The following CCDC7 variants were observed in gnomAD, a reference collection of about 807,000 sequenced individuals.
The protein encoded by CCDC7 is coiled-coil domain-containing protein 7.
A neutral mutation model predicts 196.9 loss-of-function variants in CCDC7; 183 were observed. The ratio of observed to expected loss-of-function variants is 0.93; its 90% CI spans 0.82 to 1.05. CCDC7 has a LOEUF of 1.05. CCDC7 is among the 50% of genes least tolerant of loss of function. The pLI, the probability that CCDC7 is intolerant of heterozygous loss-of-function variation, is 0.00. For missense variants in CCDC7, 1,540 were observed against 1,482.2 expected (o/e 1.04, Z -0.64); for synonymous variants, 525 against 484.6 (o/e 1.08, Z -1.10).
intron 11 of CCDC7, among the ~76,000 whole-genome samples, chr10:32,536,898 G>A (rs1463850037): frequency 1.3e-5 from 2 of 152,068 alleles, no homozygotes; most frequent in Non-Finnish European, 2.9e-5. Context: ...CCAGCCCACC[G>A]TTGTTGGGCA....
intron 20 of CCDC7, among the ~76,000 whole-genome samples, chr10:32,659,948 A>G (rs1411530746): frequency 6.6e-6 from 1 of 152,160 alleles, no homozygotes; most frequent in African/African-American, 2.4e-5. Context: ...CAGAAATAGC[A>G]TTTAGCCCAG....
chr10:32,789,452 T>C (rs986013), intron 29 of CCDC7, among the ~76,000 whole-genome samples: 21,975 of 151,566 alleles, frequency 0.14, 1,959 homozygotes, highest in African/African-American at 0.26. Context: ...AACTGGAAAA[T>C]TCCATATTGC....
upstream of CCDC7, among the ~76,000 whole-genome samples, chr10:32,443,995 T>C (rs2030467669): frequency 6.6e-6 from 1 of 152,238 alleles, no homozygotes; most frequent in Non-Finnish European, 1.5e-5. Context: ...AGTAATGTTA[T>C]ATAGTTTTCA....
At chr10:32,567,928 T>C in intron 15 of CCDC7, 37 bp downstream of exon 16, 3 of 1,543,006 alleles carry the variant, frequency 1.9e-6, no homozygotes, top group Non-Finnish European at 2.6e-6. Context: ...GTAGTATATG[T>C]TGTGAGAAAT....
At position 32,456,231 on chromosome 10, in the gene CCDC7, TTTA is replaced by T. The variant is rs2034310982; in HGVS notation, c.373-14_373-12del. The T allele has an allele frequency of 6.6e-7, 1 of 1,505,476 alleles. No homozygotes were observed. Among genetic ancestry groups the T allele is most frequent in the Non-Finnish European group, 9.0e-7 (1 of 1,111,784 alleles). 93.3% of individuals were successfully genotyped at this position (1,505,476 alleles called of 1,614,324 possible). A position where few individuals can be genotyped will look rare whatever the true frequency, so the allele number is the denominator to read the frequency against. On this transcript the variant is annotated splice_polypyrimidine_tract_variant and intron_variant, in intron 2 of 41. Coordinates refer to ENST00000639629, the Ensembl canonical transcript of CCDC7. Reference sequence around the variant, plus strand: ...TGGATTCTTAAATGTAACTTTATGTTTTATTATTCTTTTCAAAAGGTTGGGGAT... The same window carrying T: ...TGGATTCTTAAATGTAACTTTATGTTTTATTCTTTTCAAAAGGTTGGGGAT...
chr10:32,714,577 T>C (rs955922886), intron 25 of CCDC7, among the ~76,000 whole-genome samples: 8 of 152,280 alleles, frequency 5.3e-5, no homozygotes, highest in Admixed American at 1.3e-4. Context: ...GAAAGGGGGC[T>C]GAAGCCAGGG....
chr10:32,698,242 G>A (rs540234651), intron 24 of CCDC7, among the ~76,000 whole-genome samples: 2 of 152,310 alleles, frequency 1.3e-5, no homozygotes, highest in Admixed American at 6.5e-5. Flanking sequence ...CAAAGATGGG[G>A]AGAAACCAGA....
chr10:32,677,970 C>A (rs1277543416), intron 21 of CCDC7, among the ~76,000 whole-genome samples: 1 of 151,680 alleles, frequency 6.6e-6, no homozygotes, highest in African/African-American at 2.4e-5. Context: ...TTGCTATTTT[C>A]TTCTGCTTGA....
chr10:32,560,951 T>C (rs1244376683), intron 13 of CCDC7, among the ~76,000 whole-genome samples: 2 of 150,730 alleles, frequency 1.3e-5, no homozygotes, highest in Non-Finnish European at 2.9e-5. Flanking sequence ...ACACACAGGC[T>C]CAAAATAAAA....
intron 9 of CCDC7, among the ~76,000 whole-genome samples, chr10:32,517,597 A>G (rs1262488388): frequency 8.4e-6 from 1 of 118,904 alleles, no homozygotes; most frequent in Non-Finnish European, 1.6e-5. Context: ...GAAGGGGAAC[A>G]TCACACACCG....
intron 29 of CCDC7, among the ~76,000 whole-genome samples, chr10:32,803,060 C>T (rs560636476): frequency 6.6e-6 from 1 of 152,304 alleles, no homozygotes; most frequent in East Asian, 1.9e-4. Context: ...TTTATTTCAT[C>T]ATAATTTGAG....
At chr10:32,799,080 C>T (rs754228190) in intron 29 of CCDC7, among the ~76,000 whole-genome samples, 21 of 152,136 alleles carry the variant, frequency 1.4e-4, no homozygotes, top group Admixed American at 2.0e-4. Flanking sequence ...AATGCTGCTG[C>T]GTATCACCTA....
intron 32 of CCDC7, among the ~76,000 whole-genome samples, chr10:32,832,000 C>T (rs1472503249): frequency 6.6e-6 from 1 of 152,156 alleles, no homozygotes; most frequent in African/African-American, 2.4e-5. Flanking sequence ...TTTACACCAG[C>T]ATCATCACAG....
intron 32 of CCDC7, among the ~76,000 whole-genome samples, chr10:32,832,660 G>A (rs961073723): frequency 7.2e-5 from 11 of 151,850 alleles, no homozygotes; most frequent in Admixed American, 3.9e-4. Context: ...GTATCAGGCC[G>A]TGTTATTAAA....
chr10:32,525,111 G>T (rs2048455756), intron 11 of CCDC7, among the ~76,000 whole-genome samples: 1 of 151,736 alleles, frequency 6.6e-6, no homozygotes, highest in Non-Finnish European at 1.5e-5. Flanking sequence ...TAGGGGGATG[G>T]GGGAGGGATA....
chr10:32,456,289 G>A (rs142093528), exon 3 of CCDC7: 882 of 1,568,408 alleles, frequency 5.6e-4, no homozygotes, highest in Non-Finnish European at 7.1e-4. Flanking sequence ...CATATTGTTC[G>A]CAATTTGCAG....
intron 13 of CCDC7, among the ~76,000 whole-genome samples, chr10:32,561,758 A>G (rs2055696979): frequency 1.3e-5 from 2 of 152,256 alleles, no homozygotes; most frequent in African/African-American, 4.8e-5. Flanking sequence ...AGCAAGAGCA[A>G]ACACATTCAA....
intron 6 of CCDC7, 141 bp from the exon 8 acceptor site, chr10:32,472,338 CTG>C: frequency 1.0e-5 from 7 of 685,590 alleles, no homozygotes; most frequent in Non-Finnish European, 1.5e-5. Context: ...ACCTTAGTGT[CTG>C]TGAGTAAAGA....
chr10:32,507,085 C>T (rs538861221), intron 9 of CCDC7, among the ~76,000 whole-genome samples: 85 of 151,458 alleles, frequency 5.6e-4, no homozygotes, highest in Non-Finnish European at 1.0e-3. Flanking sequence ...TTCTGCCTCC[C>T]GGGTTCAAGT....
Sources: gnomAD v4.1 joint callset for allele counts (sites outside exome capture counted in the v4.1 genomes callset) on GRCh38, gnomAD v4.1.1 for gene constraint, MANE v1.5 for transcripts, NCBI Gene and HGNC (gene_info 2026-07-23, HGNC 2026-07-21) for gene names.